Variants in LIPC observed in about 807,000 individuals in gnomAD.
LIPC encodes the protein hepatic triacylglycerol lipase.
In LIPC, 44 loss-of-function variants were observed where a neutral mutation model predicts 50.7. The ratio of observed to expected loss-of-function variants is 0.87; its 90% CI spans 0.68 to 1.11. The LOEUF is 1.11. Ranked by LOEUF, LIPC falls within the 50% of genes most tolerant of loss-of-function variation. The pLI, the probability that LIPC is intolerant of heterozygous loss-of-function variation, is 0.00. For synonymous variants in LIPC, 271 were observed against 256.4 expected, an observed-to-expected ratio of 1.06 and a Z score of -0.54; for missense variants, 697 against 648.2, an observed-to-expected ratio of 1.08 and a Z score of -0.82.
chr15:58,491,706 A>G (rs1891592398), intron 1 of LIPC, among the ~76,000 whole-genome samples: 1 of 152,222 alleles, frequency 6.6e-6, no homozygotes, highest in Non-Finnish European at 1.5e-5. Context: ...AACTTCTGGG[A>G]CAAGAGTCAA....
chr15:58,463,950 C>G (rs10518977), intron 1 of LIPC, among the ~76,000 whole-genome samples: 1 of 152,074 alleles, frequency 6.6e-6, no homozygotes, highest in African/African-American at 2.4e-5. Flanking sequence ...CAGATAGTTA[C>G]ATTGATACAA....
intron 1 of LIPC, among the ~76,000 whole-genome samples, chr15:58,511,104 T>C (rs1383153167): frequency 3.3e-5 from 5 of 152,196 alleles, no homozygotes; most frequent in Non-Finnish European, 7.4e-5. Flanking sequence ...GACCCAAAAC[T>C]AGAATCCAGG....
intron 1 of LIPC, among the ~76,000 whole-genome samples, chr15:58,485,784 C>G (rs148989563): frequency 1.3e-5 from 2 of 152,258 alleles, no homozygotes; most frequent in African/African-American, 4.8e-5. Flanking sequence ...CCCAGCCACA[C>G]TGAGGGAGAG....
chr15:58,480,322 T>G (rs1456300574), intron 1 of LIPC, among the ~76,000 whole-genome samples: 1 of 152,138 alleles, frequency 6.6e-6, no homozygotes, highest in Non-Finnish European at 1.5e-5. Flanking sequence ...CGAAATGGAG[T>G]CTCGCTTTGT....
intron 1 of LIPC, among the ~76,000 whole-genome samples, chr15:58,490,234 C>T (rs1891538616): frequency 6.6e-6 from 1 of 152,174 alleles, no homozygotes; most frequent in Non-Finnish European, 1.5e-5. Context: ...CACAGGGTAT[C>T]AGGCCAGGGG....
At chr15:58,514,364 G>T (rs1266656372) in intron 1 of LIPC, among the ~76,000 whole-genome samples, 1 of 152,210 alleles carries the variant, frequency 6.6e-6, no homozygotes, top group African/African-American at 2.4e-5. Context: ...AGTAGTAGAA[G>T]TAGTAGTAGT....
chr15:58,492,874 G>A (rs989145570), intron 1 of LIPC, among the ~76,000 whole-genome samples: 4 of 152,148 alleles, frequency 2.6e-5, no homozygotes, highest in Non-Finnish European at 4.4e-5. Context: ...AGCTGGCCAA[G>A]AACAGGAGAG....
intron 1 of LIPC, among the ~76,000 whole-genome samples, chr15:58,449,590 T>C (rs1469840325): frequency 6.6e-6 from 1 of 151,888 alleles, no homozygotes; most frequent in Non-Finnish European, 1.5e-5. Flanking sequence ...TCTCACTCTG[T>C]CAACCACGCT....
At chr15:58,548,603 G>A (rs1179104487) in intron 6 of LIPC, 31 bp downstream of exon 6, 2 of 1,576,776 alleles carry the variant, frequency 1.3e-6, no homozygotes, top group African/African-American at 1.3e-5. Context: ...CCTTCAGAAG[G>A]GCAGGATGCA....
At chr15:58,550,779 A>G (rs1893721195) in intron 6 of LIPC, among the ~76,000 whole-genome samples, 1 of 148,392 alleles carries the variant, frequency 6.7e-6, no homozygotes, top group East Asian at 2.0e-4. Flanking sequence ...GGGAGGTTCC[A>G]GTGCCGAGCT....
chr15:58,464,011 A>G (rs1297805270), intron 1 of LIPC, among the ~76,000 whole-genome samples: 1 of 152,200 alleles, frequency 6.6e-6, no homozygotes, highest in Non-Finnish European at 1.5e-5. Context: ...CAGTAAATAG[A>G]ACAGTAGAGA....
intron 8 of LIPC, among the ~76,000 whole-genome samples, chr15:58,567,241 G>T (rs923763175): frequency 2.2e-5 from 3 of 136,304 alleles, no homozygotes; most frequent in Non-Finnish European, 1.6e-5. Flanking sequence ...GTATATATGT[G>T]TGTGTGTGTA....
intron 1 of LIPC, among the ~76,000 whole-genome samples, chr15:58,451,586 G>A (rs1169968965): frequency 6.6e-6 from 1 of 152,180 alleles, no homozygotes; most frequent in Non-Finnish European, 1.5e-5. Context: ...GATGGCCACA[G>A]GCAGGAGAAT....
intron 1 of LIPC, among the ~76,000 whole-genome samples, chr15:58,460,476 C>T (rs1894303411): frequency 1.3e-5 from 2 of 152,216 alleles, no homozygotes; most frequent in South Asian, 4.1e-4. Context: ...ATCTCAGCCT[C>T]GTACTGCGTG....
At chr15:58,457,245 G>A (rs543627683) in intron 1 of LIPC, among the ~76,000 whole-genome samples, 3 of 152,306 alleles carry the variant, frequency 2.0e-5, no homozygotes, top group East Asian at 1.9e-4. Context: ...GAGTAGCTGG[G>A]ATTACAGGCA....
chr15:58,495,810 C>T (rs143001182), intron 1 of LIPC, among the ~76,000 whole-genome samples: 158 of 152,306 alleles, frequency 1.0e-3, no homozygotes, highest in African/African-American at 3.7e-3. Context: ...TCAGCATCTA[C>T]AAGTCTTTGT....
chr15:58,520,755 T>C (rs565456881), intron 1 of LIPC, among the ~76,000 whole-genome samples: 1 of 152,322 alleles, frequency 6.6e-6, no homozygotes, highest in African/African-American at 2.4e-5. Context: ...GAAGCCTGAT[T>C]AATGCCGCTT....
At chr15:58,563,800 A>C in intron 8 of LIPC, 77 bp downstream of exon 8, 274 of 1,169,252 alleles carry the variant, frequency 2.3e-4, no homozygotes, top group Non-Finnish European at 3.1e-4. Context: ...TTTAATACTC[A>C]CATTCATCAT....
chr15:58,465,997 C>G (rs1282597416), intron 1 of LIPC, among the ~76,000 whole-genome samples: 1 of 152,230 alleles, frequency 6.6e-6, no homozygotes, highest in Non-Finnish European at 1.5e-5. Context: ...TGATTCAGTG[C>G]TAGTTCTAAA....
Sources: gnomAD v4.1 joint callset for allele counts (sites outside exome capture counted in the v4.1 genomes callset) on GRCh38, gnomAD v4.1.1 for gene constraint, MANE v1.5 for transcripts, NCBI Gene and HGNC (gene_info 2026-07-23, HGNC 2026-07-21) for gene names.